The following FBN1 variants were observed in gnomAD, a reference collection of about 807,000 sequenced individuals.
FBN1 encodes the protein fibrillin-1.
Under a neutral mutation model 365.1 loss-of-function variants are expected in FBN1, and 29 were observed. The observed-to-expected ratio is 0.08, with a 90% CI of 0.06 to 0.11. FBN1 has a LOEUF of 0.11. FBN1 is among the 10% of genes least tolerant of loss of function. The pLI, the probability that FBN1 is intolerant of heterozygous loss-of-function variation, is 1.00. For missense variants in FBN1, 2,476 were observed against 3,703.2 expected, an observed-to-expected ratio of 0.67 and a Z score of 8.60; for synonymous variants, 1,210 against 1,270.5, an observed-to-expected ratio of 0.95 and a Z score of 1.01.
At chr15:48,550,087 C>T (rs1195504962) in intron 6 of FBN1, among the ~76,000 whole-genome samples, 1 of 152,202 alleles carries the variant, frequency 6.6e-6, no homozygotes, top group East Asian at 1.9e-4. Context: ...AGTGAGGAGG[C>T]CTGCACGCCA....
At chr15:48,502,192 CTT>C (rs2043666129) in intron 17 of FBN1, among the ~76,000 whole-genome samples, 1 of 152,064 alleles carries the variant, frequency 6.6e-6, no homozygotes, top group South Asian at 2.1e-4. Flanking sequence ...CCACGCATGA[CTT>C]TTTGTTTGTT....
At chr15:48,487,707 A>G (rs1299386740) in intron 27 of FBN1, among the ~76,000 whole-genome samples, 1 of 152,234 alleles carries the variant, frequency 6.6e-6, no homozygotes, top group Non-Finnish European at 1.5e-5. Context: ...GCTCACAGTA[A>G]GAAATACCAC....
chr15:48,500,881 T>C lies in FBN1; in HGVS notation c.2114-1843A>G, dbSNP rs1477109288. ...GACTTGCAGACCACAAAGATGAACT[T>C]CAGATTTTGTATATTTGGAGTCTCT... is the stretch of plus-strand genomic sequence containing the variant. On this transcript the variant is annotated intron_variant, in intron 17 of 65. Transcript: ENST00000316623. 8.5e-5 allele frequency among the ~76,000 whole-genome samples: 13 copies of C among 152,320 alleles called. No individual in the cohort carries two copies. The East Asian group carries it at 2.3e-3, about 27-fold the overall frequency.
At position 48,515,460 on chromosome 15, in the gene FBN1, G is replaced by C; in HGVS notation, c.1395C>G (p.Cys465Trp). 1 of 1,614,030 alleles carries C rather than the reference G, an allele frequency of 6.2e-7. No homozygotes were observed. Reference sequence around the variant, plus strand: ...ACCGGTAACTCCCAGGAGTTGGAATGCAGCGTCCATTTTGACAGAGATAGC... The same window carrying C: ...ACCGGTAACTCCCAGGAGTTGGAATCCAGCGTCCATTTTGACAGAGATAGC... ...LVRYLCQNGR[C>W]IPTPGSYRCE... is the part of the protein sequence containing the mutation. The change falls in exon 12 of 66, where the codon TGC becomes TGG. Residue 465 changes from cysteine (C) to tryptophan (W), a missense_variant. Physicochemically the swap from Cys to Trp is radical, Grantham distance 215. Around this residue, in one of 5 missense-constraint regions of FBN1, gnomAD observed 421 missense variants for 520.1 expected, o/e 0.81. Coordinates refer to ENST00000316623, the MANE Select transcript of FBN1 (RefSeq NM_000138.5).
chr15:48,456,058 A>T (rs1026703089), intron 44 of FBN1, among the ~76,000 whole-genome samples: 5 of 152,230 alleles, frequency 3.3e-5, no homozygotes, highest in African/African-American at 1.2e-4. Flanking sequence ...GCAGGAAAAA[A>T]TATGAAGTGC....
chr15:48,513,512 T>C (rs764504056), intron 13 of FBN1, 37 bp downstream of exon 13: 3 of 1,613,824 alleles, frequency 1.9e-6, no homozygotes, highest in South Asian at 1.1e-5. Context: ...AGTTAGCATA[T>C]ATGTCCCACA....
chr15:48,446,692 T>C lies in FBN1; in HGVS notation c.5788+14A>G, dbSNP rs760353609. On this transcript the variant is annotated intron_variant, in intron 47 of 65. Transcript: ENST00000316623. ...ACTGACTTCCTTTGCTGATGCACAA[T>C]TTTGCACACGCACCTATACAGTCAT... The C allele has an allele frequency of 2.0e-6, 3 of 1,527,012 alleles. No individual in the cohort carries two copies. Among genetic ancestry groups the C allele is most frequent in the South Asian group, 2.2e-5 (2 of 89,428 alleles). The allele number at this position is 1,527,012 out of a possible 1,614,324, so 94.6% of individuals were successfully genotyped here.
rs1042078 is a variant in FBN1 at position 48,410,676 on chromosome 15, G to A, written c.*314C>T. 0.68 allele frequency: 223,902 copies of A among 329,388 alleles called. 78,251 individuals are homozygous for A. Among genetic ancestry groups the A allele is most frequent in the South Asian group, 0.77 (18,063 of 23,438 alleles). 20.4% of individuals were successfully genotyped at this position (329,388 alleles called of 1,614,324 possible). A position where few individuals can be genotyped will look rare whatever the true frequency, so the allele number is the denominator to read the frequency against. ...GTCCATCAATTGAAAGCACATTCCC[G>A]TACGTTTGCTGGAAGGATGGCATGT... On this transcript the variant is annotated 3_prime_UTR_variant, in exon 66 of 66. Coordinates refer to ENST00000316623, the MANE Select transcript of FBN1 (RefSeq NM_000138.5).
rs779362502 is a variant in FBN1 at position 48,465,668 on chromosome 15, T to C, written c.4842A>G (p.Pro1614=). ...LEDIDECQEL[P]GLCQGGKCIN... is the part of the protein sequence containing the mutation. ...TACATTTTCCTCCTTGGCACAGCCC[T>C]GGTAGCTCCTGGCACTCATCAATAT... Residue 1614 remains proline, a synonymous_variant, in exon 40 of 66, where the codon CCA becomes CCG. Transcript: ENST00000316623. 25 of 1,613,996 alleles carry C rather than the reference T, an allele frequency of 1.5e-5. No homozygotes were observed. The highest frequency in any genetic ancestry group is 1.7e-6 in the Non-Finnish European group (2 of 1,179,982).
chr15:48,628,395 T>G (rs1294063320), intron 2 of FBN1, among the ~76,000 whole-genome samples: 1 of 152,200 alleles, frequency 6.6e-6, no homozygotes, highest in African/African-American at 2.4e-5. Context: ...GATATCTTCT[T>G]TATTACCCTC....
At chr15:48,615,879 TGAG>T (rs1211115445) in intron 2 of FBN1, among the ~76,000 whole-genome samples, 3 of 152,264 alleles carry the variant, frequency 2.0e-5, no homozygotes, top group East Asian at 1.9e-4. Flanking sequence ...TGGTGTTACA[TGAG>T]AAGAACAAAA....
At chr15:48,446,878 A>T in intron 46 of FBN1, 56 bp from the exon 47 acceptor site, 1 of 1,217,248 alleles carries the variant, frequency 8.2e-7, no homozygotes, top group East Asian at 2.3e-5. Context: ...AAGTGGTTAC[A>T]CGGTTACAGT....
In FBN1 at chr15:48,410,602, T is replaced by C. The variant is rs548674669; in HGVS notation, c.*388A>G. The C allele has an allele frequency of 1.7e-4, 38 of 226,780 alleles. No individual in the cohort carries two copies. Among genetic ancestry groups the C allele is most frequent in the African/African-American group, 8.9e-4 (38 of 42,880 alleles). The allele number at this position is 226,780 out of a possible 1,614,324, so 14.0% of individuals were successfully genotyped here. A position where few individuals can be genotyped will look rare whatever the true frequency, so the allele number is the denominator to read the frequency against. On this transcript the variant is annotated 3_prime_UTR_variant, in exon 66 of 66. Coordinates refer to ENST00000316623, the MANE Select transcript of FBN1 (RefSeq NM_000138.5). ...TAGGTACCATAAATGGACAACCTAGTACTTGTATTTGGAGAAGCAAAGTTT... is the reference window on the plus strand; with the variant it reads ...TAGGTACCATAAATGGACAACCTAGCACTTGTATTTGGAGAAGCAAAGTTT...
intron 45 of FBN1, among the ~76,000 whole-genome samples, chr15:48,449,475 T>C (rs2043184241): frequency 6.6e-6 from 1 of 152,200 alleles, no homozygotes; most frequent in Non-Finnish European, 1.5e-5. Context: ...ACCTGAACAC[T>C]GTCTCTTTCT....
At chr15:48,536,230 AT>A (rs1002157080) in intron 7 of FBN1, among the ~76,000 whole-genome samples, 1 of 152,106 alleles carries the variant, frequency 6.6e-6, no homozygotes, top group South Asian at 2.1e-4. Context: ...TATAAAAAAC[AT>A]TTTTTTTCTT....
At chr15:48,557,434 G>A (rs2044189925) in intron 6 of FBN1, among the ~76,000 whole-genome samples, 1 of 152,166 alleles carries the variant, frequency 6.6e-6, no homozygotes, top group African/African-American at 2.4e-5. Context: ...CCCCTGCAGA[G>A]GAGCAACAGA....
chr15:48,437,526 A>G lies in FBN1; in HGVS notation c.6314-139T>C. The G allele has an allele frequency of 3.5e-6, 3 of 869,446 alleles. No homozygotes were observed. In the South Asian group the frequency reaches 4.3e-5, roughly 12 times the overall value. The allele number at this position is 869,446 out of a possible 1,614,324, so 53.9% of individuals were successfully genotyped here. A position where few individuals can be genotyped will look rare whatever the true frequency, so the allele number is the denominator to read the frequency against. On this transcript the variant is annotated intron_variant, in intron 51 of 65. Transcript: ENST00000316623. ...AAAAAACAAGCCCAGAAACCAGAGG[A>G]AGTTATTTAACGAGACTCCCTAAGA...
chr15:48,494,287 C>A (rs772828824), intron 22 of FBN1, 33 bp from the exon 23 acceptor site: 3 of 1,550,144 alleles, frequency 1.9e-6, no homozygotes, highest in African/African-American at 2.7e-5. Context: ...AAACAGAAAA[C>A]AAATTTGAGA....
intron 45 of FBN1, among the ~76,000 whole-genome samples, chr15:48,452,301 G>A (rs903828863): frequency 6.6e-6 from 1 of 152,146 alleles, no homozygotes; most frequent in Non-Finnish European, 1.5e-5. Context: ...GCAGCAGACA[G>A]GCAAATACGA....
Sources: gnomAD v4.1 joint callset for allele counts (sites outside exome capture counted in the v4.1 genomes callset) on GRCh38, gnomAD v4.1.1 for gene constraint, gnomAD v4.1.1 regional missense constraint, MANE v1.5 for transcripts, NCBI Gene and HGNC (gene_info 2026-07-23, HGNC 2026-07-21) for gene names.